The following SOX6 variants were observed in gnomAD, a reference collection of about 807,000 sequenced individuals.
SOX6 encodes transcription factor SOX-6.
SOX6 carries 11 observed loss-of-function variants against 97.8 expected under a neutral mutation model. That is an observed-to-expected ratio of 0.11 (90% CI 0.07 to 0.19). The LOEUF (loss-of-function observed/expected upper bound fraction) is 0.19. SOX6 is among the 10% of genes least tolerant of loss of function. The pLI, the probability that SOX6 is intolerant of heterozygous loss-of-function variation, is 1.00. For missense variants in SOX6, 810 were observed against 1,039.5 expected, an observed-to-expected ratio of 0.78 and a Z score of 3.04; for synonymous variants, 360 against 371.4, an observed-to-expected ratio of 0.97 and a Z score of 0.35.
intron 3 of SOX6, among the ~76,000 whole-genome samples, chr11:16,255,406 C>G (rs1429686471): frequency 6.6e-6 from 1 of 152,036 alleles, no homozygotes; most frequent in Non-Finnish European, 1.5e-5. Context: ...TATGTCTGCT[C>G]TCAAACCACA....
intron 4 of SOX6, among the ~76,000 whole-genome samples, chr11:16,224,202 C>A (rs1400629147): frequency 6.6e-6 from 1 of 151,964 alleles, no homozygotes; most frequent in African/African-American, 2.4e-5. Flanking sequence ...TAATTAACTA[C>A]AAACAATAAG....
rs775349734 is a variant in SOX6, at chr11:16,111,856, G to A, written c.845C>T (p.Ala282Val). Residue 282 changes from alanine to valine, a missense_variant, in exon 7 of 16, where the codon GCT becomes GTT. Physicochemically the swap from Ala to Val is moderately conservative, Grantham distance 64 (BLOSUM62 0). Coordinates refer to ENST00000683767, the MANE Select transcript of SOX6 (RefSeq NM_001367873.1). ...FPHDQRTLAA[A>V]AAAQQGFLFP... ...GAGGAATCCCTGTTGGGCAGCAGCA[G>A]CTGCTGCCAGAGTCCGCTGGTCATG... The A allele has an allele frequency of 1.9e-6, 3 of 1,612,922 alleles. No individual in the cohort carries two copies. The highest frequency in any genetic ancestry group is 3.3e-5 in the Admixed American group (2 of 59,976).
intron 2 of SOX6, among the ~76,000 whole-genome samples, chr11:16,725,299 G>A (rs1216773793): frequency 6.6e-6 from 1 of 152,184 alleles, no homozygotes; most frequent in Non-Finnish European, 1.5e-5. Flanking sequence ...CAAAGTGGGT[G>A]GACCCCTCGA....
At chr11:16,492,505 G>A (rs1860528439) in intron 4 of SOX6, among the ~76,000 whole-genome samples, 1 of 152,180 alleles carries the variant, frequency 6.6e-6, no homozygotes, top group South Asian at 2.1e-4. Flanking sequence ...TTGAGTAAGT[G>A]CTTCAGACTC....
chr11:15,989,537 TC>T (rs1853977514), intron 13 of SOX6, among the ~76,000 whole-genome samples: 1 of 152,186 alleles, frequency 6.6e-6, no homozygotes, highest in South Asian at 2.1e-4. Context: ...CTGCTGTAAT[TC>T]CTTTCTTCAA....
At chr11:16,124,321 A>G (rs953234008) in intron 6 of SOX6, among the ~76,000 whole-genome samples, 2 of 152,142 alleles carry the variant, frequency 1.3e-5, no homozygotes, top group Non-Finnish European at 2.9e-5. Context: ...ATATATATGT[A>G]CATTTGTATG....
At chr11:16,132,826 T>C (rs902362492) in intron 6 of SOX6, among the ~76,000 whole-genome samples, 1 of 152,064 alleles carries the variant, frequency 6.6e-6, no homozygotes, top group Admixed American at 6.6e-5. Context: ...ACTGCAAACC[T>C]GAGCAGCCTA....
At chr11:16,408,282 ACT>A (rs1483524867) in intron 1 of SOX6, among the ~76,000 whole-genome samples, 2 of 148,686 alleles carry the variant, frequency 1.3e-5, no homozygotes, top group East Asian at 3.9e-4. Context: ...TTCTTTTAAA[ACT>A]CTCTTTGCTT....
Position 16,737,419 on chromosome 11 carries a change from C to T in SOX6, n.220-947G>A, listed in dbSNP as rs377059417. Reference sequence around the variant, plus strand: ...ACGTGGTTTCACCATGTTGATCAGGCTGGTCTCGAACTCCTGACCTCGTGA... The same window carrying T: ...ACGTGGTTTCACCATGTTGATCAGGTTGGTCTCGAACTCCTGACCTCGTGA... On this transcript the variant is annotated intron_variant and non_coding_transcript_variant, in intron 1 of 5. Transcript: ENST00000524520. Among the ~76,000 whole-genome samples, 32 of 151,960 alleles carry T rather than the reference C, an allele frequency of 2.1e-4. 1 individual carries two copies. The South Asian group carries it at 6.2e-3, about 30-fold the overall frequency.
At chr11:16,697,350 TG>T (rs1283066161) in intron 3 of SOX6, among the ~76,000 whole-genome samples, 1 of 152,170 alleles carries the variant, frequency 6.6e-6, no homozygotes, top group Non-Finnish European at 1.5e-5. Context: ...GATTTTTTAT[TG>T]GGCCAGGTGC....
chr11:16,292,254 C>G (rs773598549), intron 3 of SOX6, among the ~76,000 whole-genome samples: 11 of 152,082 alleles, frequency 7.2e-5, no homozygotes, highest in Non-Finnish European at 1.6e-4. Context: ...AAAGAAATTG[C>G]CACTAATTAA....
At chr11:16,554,902 T>A (rs897936530) in intron 4 of SOX6, among the ~76,000 whole-genome samples, 1 of 152,008 alleles carries the variant, frequency 6.6e-6, no homozygotes, top group Non-Finnish European at 1.5e-5. Context: ...TTGTTTTGCA[T>A]GTAGTGATAT....
chr11:16,723,349 A>G (rs999346172), intron 2 of SOX6, among the ~76,000 whole-genome samples: 1 of 152,162 alleles, frequency 6.6e-6, no homozygotes, highest in African/African-American at 2.4e-5. Context: ...TGGGAGGAGC[A>G]AGAGGAGCCG....
chr11:16,541,597 AAAG>A (rs750335701), intron 4 of SOX6, among the ~76,000 whole-genome samples: 11 of 152,332 alleles, frequency 7.2e-5, no homozygotes, highest in Non-Finnish European at 1.5e-4. Flanking sequence ...CAGAATCTAC[AAAG>A]AAGTTAAACA....
intron 6 of SOX6, among the ~76,000 whole-genome samples, chr11:16,144,244 A>C (rs915819744): frequency 1.3e-5 from 2 of 152,336 alleles, no homozygotes; most frequent in Non-Finnish European, 1.5e-5. Flanking sequence ...CCTGCTCCTG[A>C]ATGACTGCTG....
chr11:16,738,360 CG>C (rs1347430307), intron 1 of SOX6: 2 of 206,854 alleles, frequency 9.7e-6, no homozygotes, highest in African/African-American at 4.6e-5. Flanking sequence ...CAGCGTTGCA[CG>C]GTGAAAGGCA....
intron 4 of SOX6, among the ~76,000 whole-genome samples, chr11:16,194,725 T>C (rs1851726041): frequency 1.3e-5 from 2 of 152,226 alleles, no homozygotes; most frequent in Admixed American, 1.3e-4. Context: ...AGTCTATTCC[T>C]GGATCAACTG....
chr11:16,209,664 A>T (rs1852167000), intron 4 of SOX6, among the ~76,000 whole-genome samples: 1 of 152,118 alleles, frequency 6.6e-6, no homozygotes, highest in Non-Finnish European at 1.5e-5. Context: ...AAGACACAAG[A>T]ATCGTTTCAG....
At chr11:16,206,307 T>C (rs778786872) in intron 4 of SOX6, among the ~76,000 whole-genome samples, 2 of 152,166 alleles carry the variant, frequency 1.3e-5, no homozygotes, top group Non-Finnish European at 2.9e-5. Flanking sequence ...ACAAAAGACC[T>C]CTGTTGGAAT....
Sources: allele counts gnomAD v4.1 joint callset (sites outside exome capture counted in the v4.1 genomes callset), GRCh38; gene constraint gnomAD v4.1.1; transcripts MANE v1.5; gene names NCBI Gene and HGNC (gene_info 2026-07-23, HGNC 2026-07-21).